SFMBT2: variants seen among roughly 807,000 people sequenced by gnomAD.
SFMBT2 encodes Scm like with four mbt domains 2, also known as scm-like with four MBT domains protein 2.
A neutral mutation model predicts 110.1 loss-of-function variants in SFMBT2; 38 were observed. That is an observed-to-expected ratio of 0.35 (90% CI 0.27 to 0.45). The LOEUF is 0.45. SFMBT2 is among the 20% of genes least tolerant of loss of function. SFMBT2 has a pLI of 1.00. For missense variants in SFMBT2, 1,011 were observed against 1,094.9 expected, an observed-to-expected ratio of 0.92 and a Z score of 1.08; for synonymous variants, 425 against 425.4, an observed-to-expected ratio of 1.00 and a Z score of 0.01.
intron 9 of SFMBT2, among the ~76,000 whole-genome samples, chr10:7,229,063 A>T (rs1840033490): frequency 6.6e-6 from 1 of 152,196 alleles, no homozygotes; most frequent in Admixed American, 6.5e-5. Flanking sequence ...ACTGTGATTC[A>T]CTGAAGTGTG....
At chr10:7,278,774 TG>T (rs941606062) in intron 6 of SFMBT2, among the ~76,000 whole-genome samples, 3 of 152,040 alleles carry the variant, frequency 2.0e-5, no homozygotes, top group Admixed American at 1.3e-4. Flanking sequence ...GGTCTCTGAA[TG>T]GGGGAGGGAT....
intron 4 of SFMBT2, among the ~76,000 whole-genome samples, chr10:7,300,700 A>G (rs1251604112): frequency 1.3e-5 from 2 of 152,244 alleles, no homozygotes; most frequent in African/African-American, 2.4e-5. Context: ...TTTCTCCTCC[A>G]GGCCCAGCAT....
At chr10:7,249,030 T>C in intron 7 of SFMBT2, 1 of 844,224 alleles carries the variant, frequency 1.2e-6, no homozygotes, top group Non-Finnish European at 1.4e-6. Context: ...TGGAGTCACA[T>C]CTCAGGGCTT....
At chr10:7,275,595 G>T (rs984012288) in intron 7 of SFMBT2, among the ~76,000 whole-genome samples, 18 of 152,144 alleles carry the variant, frequency 1.2e-4, no homozygotes, top group Non-Finnish European at 2.4e-4. Flanking sequence ...TTCACTGTCG[G>T]TCAATATCAT....
At chr10:7,278,341 C>T (rs1178703807) in intron 6 of SFMBT2, among the ~76,000 whole-genome samples, 1 of 152,142 alleles carries the variant, frequency 6.6e-6, no homozygotes, top group Non-Finnish European at 1.5e-5. Context: ...GGCACAGGGA[C>T]CAGTTCACAG....
Position 7,209,531 on chromosome 10 carries a change from C to A in SFMBT2, c.1331-3603G>T, listed in dbSNP as rs556630956. ...GGGTATATCCATATGAAGGAATATT[C>A]TGCAGCTATAAAAAAGAATCAGACA... is the stretch of plus-strand genomic sequence containing the variant. On this transcript the variant is annotated intron_variant, in intron 11 of 20. Transcript: ENST00000397167. Among the ~76,000 whole-genome samples, 115 of 152,346 alleles carry A rather than the reference C, an allele frequency of 7.5e-4. 2 individuals are homozygous for A. The highest frequency in any genetic ancestry group is 3.7e-3 in the South Asian group (18 of 4,828).
intron 9 of SFMBT2, among the ~76,000 whole-genome samples, chr10:7,230,937 A>G (rs1840098801): frequency 1.3e-5 from 2 of 152,186 alleles, no homozygotes; most frequent in African/African-American, 4.8e-5. Context: ...GTCTCTCAAA[A>G]CACGAAATAA....
intron 4 of SFMBT2, among the ~76,000 whole-genome samples, chr10:7,336,148 G>A (rs1187445063): frequency 2.0e-5 from 3 of 152,016 alleles, no homozygotes; most frequent in East Asian, 3.9e-4. Context: ...GTAATAAAAC[G>A]CTGTAAAATA....
At chr10:7,227,511 T>C (rs1333158093) in intron 10 of SFMBT2, among the ~76,000 whole-genome samples, 1 of 152,164 alleles carries the variant, frequency 6.6e-6, no homozygotes, top group Non-Finnish European at 1.5e-5. Context: ...AGTGATACCT[T>C]CTCCTCTATT....
Position 7,172,920 on chromosome 10 carries a change from C to A in SFMBT2, c.1985-259G>T, listed in dbSNP as rs1333227568. Among the ~76,000 whole-genome samples the A allele has an allele frequency of 2.0e-5, 3 of 152,090 alleles. No homozygotes were observed. Among genetic ancestry groups the A allele is most frequent in the African/African-American group, 7.2e-5 (3 of 41,386 alleles). On this transcript the variant is annotated intron_variant, in intron 17 of 20. Coordinates refer to ENST00000397167, the MANE Select transcript of SFMBT2 (RefSeq NM_001387889.1). This position sits in a 1 kb window ranked among gnomAD's most constrained non-coding sequence, Gnocchi z 4.6. Reference sequence around the variant, plus strand: ...GTGAGTGTATCTGGATGTCCCGAACCCCCAAAGTGAGTGTACAAGGGTGGG... The same window carrying A: ...GTGAGTGTATCTGGATGTCCCGAACACCCAAAGTGAGTGTACAAGGGTGGG...
chr10:7,181,714 A>C (rs934129947), intron 16 of SFMBT2, among the ~76,000 whole-genome samples: 8 of 152,148 alleles, frequency 5.3e-5, no homozygotes, highest in Non-Finnish European at 1.2e-4. Context: ...GTGAAATCCA[A>C]CTCCAACCTG....
In SFMBT2 at chr10:7,243,640, T is replaced by C; in HGVS notation, c.1038A>G (p.Ser346=). 1.1e-6 allele frequency: 1 copy of C among 872,938 alleles called. No individual in the cohort carries two copies. The highest frequency in any genetic ancestry group is 2.0e-6 in the Non-Finnish European group (1 of 501,654). The allele number at this position is 872,938 out of a possible 1,614,324, so 54.1% of individuals were successfully genotyped here. Residue 346 remains serine, a synonymous_variant, in exon 9 of 21, where the codon TCA becomes TCG. Coordinates refer to ENST00000397167, the MANE Select transcript of SFMBT2 (RefSeq NM_001387889.1). ...CCAAAGAATCTGCATGGCACAGCAT[T>C]GACAGTTTACTTGGTTCAGGTCTTA... The part of the protein sequence containing the change: ...DDLRPEPSKL[S]MLCHADSLGI...
chr10:7,261,662 T>C (rs1010703503), intron 7 of SFMBT2, among the ~76,000 whole-genome samples: 3 of 152,216 alleles, frequency 2.0e-5, no homozygotes, highest in Admixed American at 1.3e-4. Flanking sequence ...TGCAAGATCT[T>C]GTTAAATATT....
intron 4 of SFMBT2, among the ~76,000 whole-genome samples, chr10:7,340,722 G>A (rs1460540781): frequency 4.0e-5 from 6 of 148,342 alleles, no homozygotes; most frequent in Non-Finnish European, 7.4e-5. Flanking sequence ...GAGGTGTCAC[G>A]TCCTTAGGAG....
rs200874929 is a variant in SFMBT2, at chr10:7,174,184, G to A, written c.1985-1523C>T. ...GCAGGAGAGCTTGGAACAATGTCCCGTGTCCAGTTCTATAAGGACCGTGTT... is the reference window on the plus strand; with the variant it reads ...GCAGGAGAGCTTGGAACAATGTCCCATGTCCAGTTCTATAAGGACCGTGTT... On this transcript the variant is annotated intron_variant, in intron 17 of 20. Coordinates refer to ENST00000397167, the MANE Select transcript of SFMBT2 (RefSeq NM_001387889.1). Among the ~76,000 whole-genome samples the A allele has an allele frequency of 5.9e-5, 9 of 152,178 alleles. No homozygotes were observed. The East Asian group carries it at 1.2e-3, about 20-fold the overall frequency.
chr10:7,182,879 TA>T (rs1016709865), intron 16 of SFMBT2, among the ~76,000 whole-genome samples: 2 of 149,948 alleles, frequency 1.3e-5, no homozygotes, highest in East Asian at 2.0e-4. Flanking sequence ...AAAAAAAAGT[TA>T]AAAAAAAAGA....
rs574600797 is a variant in SFMBT2, at chr10:7,233,140, G to A, written c.1121-5203C>T. Reference sequence around the variant, plus strand: ...TTAATAAAAAATAAAAATAGCAAAGGAATACCATGTTTGCTATCTACCTGG... The same window carrying A: ...TTAATAAAAAATAAAAATAGCAAAGAAATACCATGTTTGCTATCTACCTGG... On this transcript the variant is annotated intron_variant, in intron 9 of 20. Transcript: ENST00000397167. Among the ~76,000 whole-genome samples, 8 of 152,252 alleles carry A rather than the reference G, an allele frequency of 5.3e-5. No individual in the cohort carries two copies. The South Asian group carries it at 1.7e-3, about 32-fold the overall frequency.
chr10:7,255,430 C>T (rs1840969589), intron 7 of SFMBT2, among the ~76,000 whole-genome samples: 1 of 152,200 alleles, frequency 6.6e-6, no homozygotes, highest in Non-Finnish European at 1.5e-5. Flanking sequence ...ATACTGTTTA[C>T]TTCAGAGTAC....
Position 7,367,700 on chromosome 10 carries a change from G to A in SFMBT2, c.385C>T (p.His129Tyr). The change falls in exon 4 of 21, where the codon CAC (histidine) becomes TAC (tyrosine). Residue 129 changes from histidine (H) to tyrosine (Y), a missense_variant. His to Tyr is a moderately conservative substitution (Grantham distance 83). This residue lies in a region of SFMBT2 where 979 missense variants were observed against 1,016.1 expected (regional missense o/e 0.96). Coordinates refer to ENST00000397167, the MANE Select transcript of SFMBT2 (RefSeq NM_001387889.1). This position sits in a 1 kb window ranked among gnomAD's most constrained non-coding sequence, Gnocchi z 6.2. ...FWCDVVIADL[H>Y]PVGWCTQNNK... is the part of the protein sequence containing the mutation. ...TTCTGTGTGCACCACCCCACGGGGTGCAAATCCGCGATGACTACGTCACAC... is the reference window on the plus strand; with the variant it reads ...TTCTGTGTGCACCACCCCACGGGGTACAAATCCGCGATGACTACGTCACAC... The A allele has an allele frequency of 6.2e-7, 1 of 1,613,882 alleles. No homozygotes were observed. The highest frequency in any genetic ancestry group is 8.5e-7 in the Non-Finnish European group (1 of 1,180,040).
Sources: gnomAD v4.1 joint callset for allele counts (sites outside exome capture counted in the v4.1 genomes callset) on GRCh38, gnomAD v4.1.1 for gene constraint, gnomAD v4.1.1 regional missense constraint, Gnocchi (gnomAD v3.1) non-coding constraint, MANE v1.5 for transcripts, NCBI Gene and HGNC (gene_info 2026-07-23, HGNC 2026-07-21) for gene names.